Variants in MAN1A2 observed in about 807,000 individuals in gnomAD.
The protein encoded by MAN1A2 is mannosidase alpha class 1A member 2.
In MAN1A2, 26 loss-of-function variants were observed where a neutral mutation model predicts 75.7. That is an observed-to-expected ratio of 0.34 (90% confidence interval 0.25 to 0.48). The LOEUF (loss-of-function observed/expected upper bound fraction) is 0.48. MAN1A2 is among the 20% of genes least tolerant of loss of function. The pLI, the probability that MAN1A2 is intolerant of heterozygous loss-of-function variation, is 0.99. For missense variants in MAN1A2, 562 were observed against 775.5 expected (o/e 0.72, Z 3.27); for synonymous variants, 247 against 264.6 (o/e 0.93, Z 0.65).
In MAN1A2 at chr1:117,409,900, G is replaced by A. The variant is rs370866889; in HGVS notation, c.655+4255G>A. Among the ~76,000 whole-genome samples the A allele has an allele frequency of 2.3e-4, 35 of 152,030 alleles. 2 individuals are homozygous for A. In the South Asian group the frequency reaches 6.6e-3, roughly 29 times the overall value. ...TAATTAAATTTTAGTAAATCTTATT[G>A]AGTAATACAGTTGTCCTTTGGTATC... On this transcript the variant is annotated intron_variant, in intron 3 of 12. Transcript: ENST00000356554.
At chr1:117,462,621 G>A (rs1228246399) in intron 7 of MAN1A2, among the ~76,000 whole-genome samples, 1 of 152,148 alleles carries the variant, frequency 6.6e-6, no homozygotes, top group African/African-American at 2.4e-5. Flanking sequence ...AAGGAAATGT[G>A]TTGACACGAG....
intron 6 of MAN1A2, among the ~76,000 whole-genome samples, chr1:117,445,888 A>ATATATG (rs1649216767): frequency 7.0e-6 from 1 of 143,648 alleles, no homozygotes; most frequent in Non-Finnish European, 1.5e-5. Flanking sequence ...GTGTGTGTAT[A>ATATATG]TATATATATA....
intron 7 of MAN1A2, among the ~76,000 whole-genome samples, chr1:117,466,020 A>G (rs1244281573): frequency 2.6e-5 from 4 of 152,148 alleles, no homozygotes; most frequent in Non-Finnish European, 5.9e-5. Flanking sequence ...ATGATGTTTA[A>G]AATAACTGAT....
chr1:117,423,242 A>T (rs1188442909), intron 5 of MAN1A2, among the ~76,000 whole-genome samples: 1 of 152,130 alleles, frequency 6.6e-6, no homozygotes, highest in African/African-American at 2.4e-5. Context: ...CTCTTGATTT[A>T]TGTGTCTGTC....
chr1:117,512,430 A>G (rs530019178), intron 12 of MAN1A2, among the ~76,000 whole-genome samples: 52 of 152,196 alleles, frequency 3.4e-4, no homozygotes, highest in Middle Eastern at 3.4e-3. Flanking sequence ...AAATAGGTCT[A>G]GAGTGGGGCC....
intron 3 of MAN1A2, among the ~76,000 whole-genome samples, chr1:117,409,641 G>A (rs1282725809): frequency 6.6e-6 from 1 of 151,952 alleles, no homozygotes; most frequent in Non-Finnish European, 1.5e-5. Flanking sequence ...GTCTCATTCT[G>A]TCAGTTACTG....
At chr1:117,428,486 G>A (rs569939163) in intron 5 of MAN1A2, among the ~76,000 whole-genome samples, 42 of 152,072 alleles carry the variant, frequency 2.8e-4, no homozygotes, top group East Asian at 2.7e-3. Flanking sequence ...TGGAAATGGC[G>A]AACAGAAAAC....
intron 8 of MAN1A2, among the ~76,000 whole-genome samples, chr1:117,475,119 A>G (rs1325943793): frequency 6.6e-6 from 1 of 151,904 alleles, no homozygotes; most frequent in Non-Finnish European, 1.5e-5. Context: ...TATTACAAAT[A>G]AAGCTGCTAT....
rs374536287 is a variant in MAN1A2 at position 117,437,555 on chromosome 1, G to A, written c.856-4676G>A. On this transcript the variant is annotated intron_variant, in intron 5 of 12. Transcript: ENST00000356554. ...TAATGCAAGGTGTAGGAGTGTGTGT[G>A]CGTGTGTGTGTGTGGTCAAGAACAT... 5.3e-5 allele frequency among the ~76,000 whole-genome samples: 8 copies of A among 152,210 alleles called. No individual in the cohort carries two copies. In the East Asian group the frequency reaches 1.3e-3, roughly 26 times the overall value.
intron 8 of MAN1A2, among the ~76,000 whole-genome samples, chr1:117,472,795 C>A (rs762062066): frequency 2.2e-4 from 34 of 151,930 alleles, no homozygotes; most frequent in Non-Finnish European, 4.1e-4. Flanking sequence ...AATTGATAAA[C>A]TTTCTTAAAA....
chr1:117,448,430 G>A lies in MAN1A2; in HGVS notation c.950+6105G>A, dbSNP rs115527430. Among the ~76,000 whole-genome samples, 1,151 of 152,280 alleles carry A rather than the reference G, an allele frequency of 7.6e-3. 15 individuals carry two copies. Among genetic ancestry groups the A allele is most frequent in the African/African-American group, 0.024 (994 of 41,550 alleles). Reference sequence around the variant, plus strand: ...AGAAACAGACATGGAAATAACAGAGGTGATGGAGATAGCAGTAAAGGACTT... The same window carrying A: ...AGAAACAGACATGGAAATAACAGAGATGATGGAGATAGCAGTAAAGGACTT... On this transcript the variant is annotated intron_variant, in intron 6 of 12. Transcript: ENST00000356554.
intron 12 of MAN1A2, among the ~76,000 whole-genome samples, chr1:117,516,270 T>A (rs1043368135): frequency 6.6e-6 from 1 of 152,128 alleles, no homozygotes. Context: ...CTGATTATTT[T>A]AAATTGCTAC....
chr1:117,464,719 G>A (rs941733598), intron 7 of MAN1A2, among the ~76,000 whole-genome samples: 10 of 152,188 alleles, frequency 6.6e-5, no homozygotes, highest in South Asian at 6.2e-4. Context: ...AGCTGTTTGC[G>A]CCTGCGAACT....
At chr1:117,473,827 A>T (rs1650234093) in intron 8 of MAN1A2, among the ~76,000 whole-genome samples, 1 of 152,018 alleles carries the variant, frequency 6.6e-6, no homozygotes, top group East Asian at 1.9e-4. Flanking sequence ...GATTTCTTCC[A>T]CCGAGTGGTC....
chr1:117,495,919 A>C (rs1651025014), intron 9 of MAN1A2, among the ~76,000 whole-genome samples: 1 of 151,960 alleles, frequency 6.6e-6, no homozygotes, highest in Non-Finnish European at 1.5e-5. Context: ...ATTATCTAAG[A>C]GCACCATTCA....
intron 5 of MAN1A2, among the ~76,000 whole-genome samples, chr1:117,423,247 T>C (rs989552024): frequency 2.0e-4 from 31 of 152,214 alleles, no homozygotes; most frequent in African/African-American, 7.5e-4. Flanking sequence ...GATTTATGTG[T>C]CTGTCTTTGG....
At chr1:117,378,140 T>C (rs1193781708) in intron 1 of MAN1A2, among the ~76,000 whole-genome samples, 1 of 152,010 alleles carries the variant, frequency 6.6e-6, no homozygotes, top group Non-Finnish European at 1.5e-5. Flanking sequence ...AAAAAAGTTA[T>C]AAGTGTACAT....
Position 117,524,244 on chromosome 1 carries a change from T to C in MAN1A2, c.*1287T>C, listed in dbSNP as rs1651947023. The C allele has an allele frequency of 1.3e-5, 2 of 152,278 alleles. No individual in the cohort carries two copies. Among genetic ancestry groups the C allele is most frequent in the African/African-American group, 4.8e-5 (2 of 41,416 alleles). 9.4% of individuals were successfully genotyped at this position (152,278 alleles called of 1,614,324 possible). On this transcript the variant is annotated 3_prime_UTR_variant, in exon 13 of 13. Transcript: ENST00000356554. ...ATACATCTAAGGAACTTTATCTTAC[T>C]ATCAGTAGGTTTTGCATTGATATTT...
chr1:117,502,847 T>G lies in MAN1A2; in HGVS notation c.1678-8T>G, dbSNP rs1651242963. 1 of 1,482,280 alleles carries G rather than the reference T, an allele frequency of 6.7e-7. No individual in the cohort carries two copies. Among genetic ancestry groups the G allele is most frequent in the Non-Finnish European group, 9.4e-7 (1 of 1,065,158 alleles). The allele number at this position is 1,482,280 out of a possible 1,614,324, so 91.8% of individuals were successfully genotyped here. On this transcript the variant is annotated splice_region_variant and splice_polypyrimidine_tract_variant and intron_variant, in intron 11 of 12. Transcript: ENST00000356554. The stretch of plus-strand genomic sequence containing the variant: ...GGAATTGCTTATTTTGTCTGATCTC[T>G]TTCATAGGCCATTGAAAAGTATTGC...
Sources: gnomAD v4.1 joint callset for allele counts (sites outside exome capture counted in the v4.1 genomes callset) on GRCh38, gnomAD v4.1.1 for gene constraint, MANE v1.5 for transcripts, NCBI Gene and HGNC (gene_info 2026-07-23, HGNC 2026-07-21) for gene names.